The following TRAPPC10 variants were observed in gnomAD, a reference collection of about 807,000 sequenced individuals.
TRAPPC10 encodes the protein trafficking protein particle complex subunit 10, also known as TRAPP 130 kDa subunit.
TRAPPC10 carries 23 observed loss-of-function variants against 125.5 expected under a neutral mutation model. That is an observed-to-expected ratio of 0.18 (90% confidence interval 0.13 to 0.26). The LOEUF (loss-of-function observed/expected upper bound fraction) is 0.26. TRAPPC10 is among the 10% of genes least tolerant of loss of function. TRAPPC10 has a pLI of 1.00. For missense variants in TRAPPC10, 1,123 were observed against 1,308.4 expected (o/e 0.86, Z 2.19); for synonymous variants, 509 against 518.0 (o/e 0.98, Z 0.24).
chr21:44,030,526 G>A (rs1021480558), intron 1 of TRAPPC10, among the ~76,000 whole-genome samples: 1 of 151,696 alleles, frequency 6.6e-6, no homozygotes, highest in Non-Finnish European at 1.5e-5. Context: ...GGAGTGCAAT[G>A]GTGCAATCTT....
chr21:44,012,769 T>TG (rs1046195884), intron 1 of TRAPPC10, among the ~76,000 whole-genome samples: 117 of 151,778 alleles, frequency 7.7e-4, no homozygotes, highest in African/African-American at 2.4e-3. Context: ...CTCTGACCCC[T>TG]GGGGGGCGCC....
intron 1 of TRAPPC10, among the ~76,000 whole-genome samples, chr21:44,022,366 C>T (rs192530216): frequency 1.3e-5 from 2 of 150,522 alleles, no homozygotes; most frequent in East Asian, 3.9e-4. Flanking sequence ...TCACTGCAAC[C>T]TCCGCCTCCC....
At chr21:44,026,654 A>G (rs1234475976) in intron 1 of TRAPPC10, among the ~76,000 whole-genome samples, 1 of 152,238 alleles carries the variant, frequency 6.6e-6, no homozygotes, top group Non-Finnish European at 1.5e-5. Context: ...TGTAAAGCAA[A>G]TCTTAGATAA....
intron 1 of TRAPPC10, among the ~76,000 whole-genome samples, chr21:44,026,059 C>G (rs1312179587): frequency 6.6e-6 from 1 of 151,990 alleles, no homozygotes; most frequent in Non-Finnish European, 1.5e-5. Flanking sequence ...CAAATATGTG[C>G]CTTCTAATGA....
intron 1 of TRAPPC10, among the ~76,000 whole-genome samples, chr21:44,031,079 C>A (rs2033542916): frequency 6.6e-6 from 1 of 152,174 alleles, no homozygotes. Flanking sequence ...GTTACCAGCG[C>A]CTTGCCCACT....
chr21:44,032,289 G>A, intron 2 of TRAPPC10, 117 bp downstream of exon 2: 1 of 678,012 alleles, frequency 1.5e-6, no homozygotes, highest in Non-Finnish European at 2.4e-6. Context: ...AGTAGCACAA[G>A]TTAAAAGCCT....
In TRAPPC10 at chr21:44,080,106, A is replaced by C. The variant is rs763013741; in HGVS notation, c.1702A>C (p.Ser568Arg). 6.2e-7 allele frequency: 1 copy of C among 1,614,196 alleles called. No homozygotes were observed. The highest frequency in any genetic ancestry group is 2.2e-5 in the East Asian group (1 of 44,888). Residue 568 changes from serine (S) to arginine (R), a missense_variant, in exon 13 of 23, where the codon AGC (serine) becomes CGC (arginine). Ser to Arg is a moderately radical substitution (Grantham distance 110). Around this residue, in one of 4 missense-constraint regions of TRAPPC10, gnomAD observed 840 missense variants for 902.0 expected, o/e 0.93. Transcript: ENST00000291574. Reference protein sequence around the residue: ...HFCQEILDFASQPSDSPGHKI... With the variant: ...HFCQEILDFARQPSDSPGHKI... ...CTGCCAGGAGATACTTGACTTTGCC[A>C]GCCAGCCGTCAGACAGCCCAGGTAA...
At chr21:44,071,680 A>C (rs1278910031) in intron 7 of TRAPPC10, among the ~76,000 whole-genome samples, 1 of 152,222 alleles carries the variant, frequency 6.6e-6, no homozygotes, top group African/African-American at 2.4e-5. Flanking sequence ...ATTCACATGC[A>C]TGTCTTTTTT....
chr21:44,068,118 CAAA>C (rs1282628289), intron 7 of TRAPPC10, among the ~76,000 whole-genome samples: 7 of 77,018 alleles, frequency 9.1e-5, no homozygotes, highest in Admixed American at 1.5e-4. Context: ...GACTCCGTCT[CAAA>C]AAAAAAAAAA....
At chr21:44,020,375 C>G (rs190094317) in intron 1 of TRAPPC10, among the ~76,000 whole-genome samples, 1 of 152,204 alleles carries the variant, frequency 6.6e-6, no homozygotes, top group Admixed American at 6.5e-5. Flanking sequence ...ATCTGCCCGC[C>G]TCGGCCTCTC....
At chr21:44,088,165 AG>A in intron 17 of TRAPPC10, 2 of 555,206 alleles carry the variant, frequency 3.6e-6, no homozygotes, top group East Asian at 3.1e-5. Flanking sequence ...TCCAGGGGCC[AG>A]GGAGTTTGCT....
At position 44,086,966 on chromosome 21, in the gene TRAPPC10, G is replaced by T; in HGVS notation, c.2539+6G>T. 6.2e-7 allele frequency: 1 copy of T among 1,613,740 alleles called. No homozygotes were observed. Among genetic ancestry groups the T allele is most frequent in the South Asian group, 1.1e-5 (1 of 91,076 alleles). ...GGTCTACTCCAACACGAGAGGTGAG[G>T]TGCCGCCCACCCAGGCCCAAGGAGG... On this transcript the variant is annotated splice_donor_region_variant and intron_variant, in intron 16 of 22. Transcript: ENST00000291574.
Position 44,084,239 on chromosome 21 carries a change from C to A in TRAPPC10, c.2356C>A (p.Gln786Lys). The change falls in exon 15 of 23, where the codon CAG becomes AAG. Residue 786 changes from glutamine (Q) to lysine (K), a missense_variant. Gln to Lys is a moderately conservative substitution (Grantham distance 53). This residue lies in a region of TRAPPC10 where 840 missense variants were observed against 902.0 expected (regional missense o/e 0.93). Transcript: ENST00000291574. ...GTACGACGTGTACTCACAGGAGCCC[C>A]AGCTGCACGTGGAGCCGCTGGCTGG... is the stretch of plus-strand genomic sequence containing the variant. The part of the protein sequence containing the change: ...VQYDVYSQEP[Q>K]LHVEPLADSL... 6.2e-7 allele frequency: 1 copy of A among 1,613,936 alleles called. No individual in the cohort carries two copies. Among genetic ancestry groups the A allele is most frequent in the Non-Finnish European group, 8.5e-7 (1 of 1,179,964 alleles).
At chr21:44,034,325 T>TCCCCCAACC (rs2033819096) in intron 2 of TRAPPC10, among the ~76,000 whole-genome samples, 1 of 48,624 alleles carries the variant, frequency 2.1e-5, no homozygotes, top group Non-Finnish European at 4.2e-5. Context: ...CATTGCCCAC[T>TCCCCCAACC]CCCCCAACCC....
chr21:44,070,414 T>C (rs1293927327), intron 7 of TRAPPC10, among the ~76,000 whole-genome samples: 1 of 152,214 alleles, frequency 6.6e-6, no homozygotes, highest in African/African-American at 2.4e-5. Context: ...AAATGTGAGT[T>C]TTCTGGAGAC....
intron 5 of TRAPPC10, among the ~76,000 whole-genome samples, chr21:44,058,151 A>G (rs955389582): frequency 6.6e-6 from 1 of 152,190 alleles, no homozygotes; most frequent in South Asian, 2.1e-4. Flanking sequence ...AGAGAGGCAC[A>G]AGGCAGAGAT....
chr21:44,085,103 C>T (rs1272076284), intron 15 of TRAPPC10, among the ~76,000 whole-genome samples: 1 of 152,166 alleles, frequency 6.6e-6, no homozygotes, highest in East Asian at 1.9e-4. Flanking sequence ...CCCCTCTTTC[C>T]TCCCTGGAGG....
intron 15 of TRAPPC10, 65 bp downstream of exon 15, chr21:44,084,328 G>A: frequency 6.7e-7 from 1 of 1,489,000 alleles, no homozygotes; most frequent in Non-Finnish European, 9.0e-7. Context: ...GACCTGCTGA[G>A]ATGCCAGGCT....
chr21:44,012,642 C>T (rs2031252866), intron 1 of TRAPPC10, 82 bp downstream of exon 1: 2 of 1,273,420 alleles, frequency 1.6e-6, no homozygotes, highest in African/African-American at 1.5e-5. Context: ...GCCCCCAGAC[C>T]TTCAGCCCCC....
Sources: gnomAD v4.1 joint callset for allele counts (sites outside exome capture counted in the v4.1 genomes callset) on GRCh38, gnomAD v4.1.1 for gene constraint, gnomAD v4.1.1 regional missense constraint, MANE v1.5 for transcripts, NCBI Gene and HGNC (gene_info 2026-07-23, HGNC 2026-07-21) for gene names.